MED12L: variants seen among roughly 807,000 people sequenced by gnomAD.
The protein encoded by MED12L is mediator complex subunit 12L.
In MED12L, 60 loss-of-function variants were observed where a neutral mutation model predicts 281.3. That is an observed-to-expected ratio of 0.21 (90% CI 0.17 to 0.26). The LOEUF is 0.26. Among genes scored for constraint, MED12L ranks in the 10% least tolerant of loss-of-function variants. The pLI, the probability that MED12L is intolerant of heterozygous loss-of-function variation, is 1.00. For missense variants in MED12L, 2,146 were observed against 2,680.9 expected, an observed-to-expected ratio of 0.80 and a Z score of 4.41; for synonymous variants, 974 against 987.2, an observed-to-expected ratio of 0.99 and a Z score of 0.25.
intron 16 of MED12L, among the ~76,000 whole-genome samples, chr3:151,214,882 T>A (rs1727889788): frequency 6.6e-6 from 1 of 152,220 alleles, no homozygotes; most frequent in East Asian, 1.9e-4. Flanking sequence ...TGTATTTTTT[T>A]AAAACCTATG....
chr3:151,216,485 G>C (rs1025951197), intron 16 of MED12L, among the ~76,000 whole-genome samples: 2 of 152,174 alleles, frequency 1.3e-5, no homozygotes, highest in African/African-American at 2.4e-5. Flanking sequence ...CTTGTGTGCT[G>C]CTTCCTACAC....
intron 27 of MED12L, among the ~76,000 whole-genome samples, chr3:151,373,574 C>G (rs1054678071): frequency 6.6e-6 from 1 of 150,890 alleles, no homozygotes; most frequent in African/African-American, 2.4e-5. Flanking sequence ...TTTTTTTTCC[C>G]CAACTTCTCC....
chr3:151,406,143 T>TCTAACA (rs1716273025), intron 39 of MED12L, among the ~76,000 whole-genome samples: 1 of 152,206 alleles, frequency 6.6e-6, no homozygotes. Flanking sequence ...CTAGTTTGGA[T>TCTAACA]GACATGTTAG....
At chr3:151,416,139 G>A (rs1323853282) in intron 42 of MED12L, among the ~76,000 whole-genome samples, 173 bp from the exon 43 acceptor site, 1 of 152,194 alleles carries the variant, frequency 6.6e-6, no homozygotes, top group Non-Finnish European at 1.5e-5. Flanking sequence ...GCAGGTTTAG[G>A]TCTTGCCCTC....
At chr3:151,131,117 C>T (rs1400312372) in intron 5 of MED12L, among the ~76,000 whole-genome samples, 4 of 152,170 alleles carry the variant, frequency 2.6e-5, no homozygotes, top group Admixed American at 1.3e-4. Flanking sequence ...TTGAAACTTT[C>T]ATTATCACCA....
At chr3:151,108,019 T>C (rs1035640014) in intron 2 of MED12L, among the ~76,000 whole-genome samples, 1 of 152,170 alleles carries the variant, frequency 6.6e-6, no homozygotes, top group Non-Finnish European at 1.5e-5. Flanking sequence ...AGAGATGTTA[T>C]TGAGGGTTTG....
chr3:151,383,699 C>A, intron 33 of MED12L, 80 bp from the exon 34 acceptor site: 2 of 857,256 alleles, frequency 2.3e-6, no homozygotes, highest in South Asian at 1.8e-5. Context: ...AAAAAACAAT[C>A]AAAATTTGAT....
At chr3:151,219,233 T>G (rs1000307801) in intron 16 of MED12L, among the ~76,000 whole-genome samples, 4 of 152,246 alleles carry the variant, frequency 2.6e-5, no homozygotes. Flanking sequence ...CAAGTTGTCA[T>G]GTATTACAGA....
intron 22 of MED12L, among the ~76,000 whole-genome samples, chr3:151,365,519 G>A (rs1328229365): frequency 6.6e-6 from 1 of 151,922 alleles, no homozygotes; most frequent in African/African-American, 2.4e-5. Flanking sequence ...CCGTATTTGG[G>A]TCCACCTAAA....
At chr3:151,294,812 T>C in intron 16 of MED12L, 2 of 1,614,160 alleles carry the variant, frequency 1.2e-6, no homozygotes, top group Non-Finnish European at 1.7e-6. Flanking sequence ...CCCAAATGGC[T>C]TGACCACCTT....
intron 16 of MED12L, among the ~76,000 whole-genome samples, chr3:151,259,381 A>G (rs1280011930): frequency 6.6e-6 from 1 of 152,204 alleles, no homozygotes; most frequent in African/African-American, 2.4e-5. Flanking sequence ...GTGAGATTTT[A>G]TTCACCAAAT....
intron 16 of MED12L, among the ~76,000 whole-genome samples, chr3:151,233,681 C>T (rs969707012): frequency 2.6e-5 from 4 of 152,178 alleles, no homozygotes; most frequent in Admixed American, 1.3e-4. Flanking sequence ...TGTGGTGAGC[C>T]GAGATCGTGC....
chr3:151,263,747 C>T (rs1406997012), intron 16 of MED12L, among the ~76,000 whole-genome samples: 1 of 119,692 alleles, frequency 8.4e-6, no homozygotes, highest in Non-Finnish European at 1.7e-5. Flanking sequence ...GGTTGGAATT[C>T]CTGGATTCCC....
intron 16 of MED12L, among the ~76,000 whole-genome samples, chr3:151,208,713 A>C (rs142615877): frequency 1.3e-5 from 2 of 152,240 alleles, no homozygotes; most frequent in Non-Finnish European, 2.9e-5. Context: ...GAATTTAAGT[A>C]ATATGTAATA....
chr3:151,225,933 C>T (rs1730406615), intron 16 of MED12L, among the ~76,000 whole-genome samples: 1 of 152,150 alleles, frequency 6.6e-6, no homozygotes, highest in Non-Finnish European at 1.5e-5. Flanking sequence ...TTATAAAGTA[C>T]ATTGTAACCT....
At chr3:151,182,589 G>T (rs960311447) in intron 11 of MED12L, among the ~76,000 whole-genome samples, 1 of 152,132 alleles carries the variant, frequency 6.6e-6, no homozygotes, top group Non-Finnish European at 1.5e-5. Context: ...GGAGGGAAGG[G>T]GCTGCCAACA....
At chr3:151,160,320 TC>T (rs1719828061) in intron 8 of MED12L, among the ~76,000 whole-genome samples, 1 of 152,194 alleles carries the variant, frequency 6.6e-6, no homozygotes, top group Admixed American at 6.5e-5. Context: ...ATTGCAGTTG[TC>T]CTTTATTAGG....
At chr3:151,322,212 G>T (rs918031250) in intron 16 of MED12L, among the ~76,000 whole-genome samples, 5 of 152,088 alleles carry the variant, frequency 3.3e-5, no homozygotes, top group African/African-American at 1.2e-4. Context: ...TTGAGGCAGG[G>T]TCTTGCTCTG....
At chr3:151,367,569 C>T in intron 23 of MED12L, 77 bp from the exon 24 acceptor site, 1 of 1,336,928 alleles carries the variant, frequency 7.5e-7, no homozygotes, top group Non-Finnish European at 1.0e-6. Flanking sequence ...GTATTGCCTG[C>T]ATTCTCTTAG....
Sources: allele counts gnomAD v4.1 joint callset (sites outside exome capture counted in the v4.1 genomes callset), GRCh38; gene constraint gnomAD v4.1.1; transcripts MANE v1.5; gene names NCBI Gene and HGNC (gene_info 2026-07-23, HGNC 2026-07-21).